Variants in NF1 observed in about 807,000 individuals in gnomAD.
NF1 encodes neurofibromin.
In NF1, 122 loss-of-function variants were observed where a neutral mutation model predicts 325.7. The observed-to-expected ratio is 0.37, with a 90% confidence interval of 0.32 to 0.44. The LOEUF is 0.44. Among genes scored for constraint, NF1 ranks in the 20% least tolerant of loss-of-function variants. The pLI, the probability that NF1 is intolerant of heterozygous loss-of-function variation, is 1.00. For missense variants in NF1, 2,140 were observed against 3,415.4 expected, an observed-to-expected ratio of 0.63 and a Z score of 9.31; for synonymous variants, 1,091 against 1,186.0, an observed-to-expected ratio of 0.92 and a Z score of 1.65.
In NF1 at chr17:31,338,028, T is replaced by C. The variant is rs2151558039; in HGVS notation, c.6708T>C (p.Phe2236=). The C allele has an allele frequency of 2.5e-6, 4 of 1,612,694 alleles. No homozygotes were observed. The highest frequency in any genetic ancestry group is 3.4e-6 in the Non-Finnish European group (4 of 1,178,690). ...TCTGTGGATCTTTTAATTGCAGATT[T>C]GCATTCCAATATAATCCATCCCTGC... ...LDQWTELAQR[F]AFQYNPSLQP... The change falls in exon 45 of 58, where the codon TTT becomes TTC. Residue 2236 remains phenylalanine (F), a synonymous_variant. Transcript: ENST00000358273.
At position 31,352,433 on chromosome 17, in the gene NF1, T is replaced by C. The variant is rs773687866; in HGVS notation, c.7615+19T>C. On this transcript the variant is annotated intron_variant, in intron 51 of 57. Transcript: ENST00000358273. ...TTGCTTGGTTAGTTTATCTAAATTATGTAGATTTTTTTTATTATTTAAAAA... is the reference window on the plus strand; with the variant it reads ...TTGCTTGGTTAGTTTATCTAAATTACGTAGATTTTTTTTATTATTTAAAAA... The C allele has an allele frequency of 1.9e-6, 3 of 1,548,792 alleles. No individual in the cohort carries two copies. Among genetic ancestry groups the C allele is most frequent in the East Asian group, 4.7e-5 (2 of 42,280 alleles).
intron 8 of NF1, among the ~76,000 whole-genome samples, chr17:31,199,208 G>T (rs2066484727): frequency 6.6e-6 from 1 of 152,068 alleles, no homozygotes; most frequent in African/African-American, 2.4e-5. Flanking sequence ...TTTGATGTCA[G>T]TGTTTACAGG....
At chr17:31,371,678 A>G (rs532612895) in intron 57 of NF1, among the ~76,000 whole-genome samples, 2 of 152,352 alleles carry the variant, frequency 1.3e-5, no homozygotes, top group East Asian at 3.9e-4. Context: ...TAAAAAATTT[A>G]ATAAGGGTTT....
intron 39 of NF1, among the ~76,000 whole-genome samples, chr17:31,333,311 A>G (rs181220545): frequency 1.3e-5 from 2 of 152,354 alleles, no homozygotes; most frequent in East Asian, 3.9e-4. Flanking sequence ...TAATGTTAAA[A>G]TGTTTATTAT....
In NF1 at chr17:31,306,236, T is replaced by C. The variant is rs181649017; in HGVS notation, c.4836-19584T>C. Among the ~76,000 whole-genome samples the C allele has an allele frequency of 2.2e-3, 333 of 152,284 alleles. 1 individual carries two copies. Among genetic ancestry groups the C allele is most frequent in the African/African-American group, 7.5e-3 (312 of 41,558 alleles). On this transcript the variant is annotated intron_variant, in intron 36 of 57. Coordinates refer to ENST00000358273, the MANE Select transcript of NF1 (RefSeq NM_001042492.3). ...GCCTCCTAAATATGGTTAATTGATA[T>C]TCTGTCCTCACCCTTACCTACTTTT...
intron 1 of NF1, among the ~76,000 whole-genome samples, chr17:31,152,439 G>A (rs1917011240): frequency 6.7e-6 from 1 of 148,942 alleles, no homozygotes; most frequent in Non-Finnish European, 1.5e-5. Flanking sequence ...CCTGTTATAT[G>A]TATGTTGAAT....
chr17:31,373,863 T>C (rs951246626), intron 57 of NF1, 150 bp from the exon 58 acceptor site: 2 of 967,298 alleles, frequency 2.1e-6, no homozygotes, highest in Admixed American at 2.0e-5. Flanking sequence ...TCTAAGTTCA[T>C]GTAAGTACAC....
At chr17:31,318,958 G>T (rs1457831479) in intron 36 of NF1, 1 of 1,613,402 alleles carries the variant, frequency 6.2e-7, no homozygotes, top group Non-Finnish European at 8.5e-7. Flanking sequence ...AAAAACTGTT[G>T]TCATCAGAAA....
chr17:31,200,423 A>G lies in NF1; in HGVS notation c.890A>G (p.Lys297Arg), dbSNP rs1219929525. ...DVVDENNMNKKLFLDSLRKAL... is the reference protein window; with the variant it reads ...DVVDENNMNKRLFLDSLRKAL... ...TATCGCTATATTTGAATTCTGTAGA[A>G]GTTATTTCTGGACAGTCTACGAAAA... The change falls in exon 9 of 58, where the codon AAG becomes AGG. Residue 297 changes from lysine to arginine, a missense_variant and splice_region_variant. This residue lies in a region of NF1 where 179 missense variants were observed against 381.0 expected (regional missense o/e 0.47). Transcript: ENST00000358273. 1 of 1,613,900 alleles carries G rather than the reference A, an allele frequency of 6.2e-7. No individual in the cohort carries two copies. Among genetic ancestry groups the G allele is most frequent in the Non-Finnish European group, 8.5e-7 (1 of 1,179,968 alleles).
intron 8 of NF1, among the ~76,000 whole-genome samples, chr17:31,195,220 T>G (rs1037147670): frequency 9.2e-5 from 14 of 152,166 alleles, no homozygotes; most frequent in African/African-American, 3.4e-4. Flanking sequence ...CTCTTGACCT[T>G]CAGTTTATAC....
rs786203038 is a variant in NF1 at position 31,156,044 on chromosome 17, A to C, written c.122A>C (p.Glu41Ala). ...AAAGTCAGTACTGAGCACAACAAGG[A>C]ATGTCTAATCAATATTTCCAAATAC... ...HTKVSTEHNK[E>A]CLINISKYKF... is the part of the protein sequence containing the mutation. The change falls in exon 2 of 58, where the codon GAA (glutamate) becomes GCA (alanine). Residue 41 changes from glutamate to alanine, a missense_variant. By Grantham distance (107) the Glu-to-Ala change is moderately radical. Coordinates refer to ENST00000358273, the MANE Select transcript of NF1 (RefSeq NM_001042492.3). 2 of 1,613,674 alleles carry C rather than the reference A, an allele frequency of 1.2e-6. No individual in the cohort carries two copies. Among genetic ancestry groups the C allele is most frequent in the Non-Finnish European group, 1.7e-6 (2 of 1,179,796 alleles).
chr17:31,225,373 C>T, intron 17 of NF1, 123 bp downstream of exon 17: 1 of 1,066,698 alleles, frequency 9.4e-7, no homozygotes. Flanking sequence ...GAATCTAGTT[C>T]TATTACTGCT....
At position 31,376,617 on chromosome 17, in the gene NF1, T is replaced by C. The variant is rs746580246; in HGVS notation, c.*2462T>C. 2.6e-5 allele frequency: 6 copies of C among 233,012 alleles called. No individual in the cohort carries two copies. Among genetic ancestry groups the C allele is most frequent in the Non-Finnish European group, 3.4e-5 (4 of 117,930 alleles). The allele number at this position is 233,012 out of a possible 1,614,324, so 14.4% of individuals were successfully genotyped here. On this transcript the variant is annotated 3_prime_UTR_variant, in exon 58 of 58. Transcript: ENST00000358273. ...TCCCTTGAGAAATGCAACACTTTTT[T>C]AGTCTTCATACTTGTAATCTATAAA...
chr17:31,099,589 C>T (rs1467927939), intron 1 of NF1, among the ~76,000 whole-genome samples: 7 of 135,950 alleles, frequency 5.1e-5, no homozygotes, highest in African/African-American at 1.4e-4. Flanking sequence ...GACAGAGTTT[C>T]GCTCTTGTCT....
intron 31 of NF1, 83 bp downstream of exon 31, chr17:31,253,083 T>G (rs2067522840): frequency 9.2e-7 from 1 of 1,082,464 alleles, no homozygotes; most frequent in Non-Finnish European, 1.4e-6. Context: ...TATCTTCACT[T>G]CAGCCTATTT....
At chr17:31,106,027 A>G (rs1267516751) in intron 1 of NF1, among the ~76,000 whole-genome samples, 1 of 152,190 alleles carries the variant, frequency 6.6e-6, no homozygotes, top group African/African-American at 2.4e-5. Flanking sequence ...TCTCTTAATG[A>G]TCTCAAGTGG....
chr17:31,197,935 G>C (rs1277060709), intron 8 of NF1, among the ~76,000 whole-genome samples: 5 of 152,056 alleles, frequency 3.3e-5, no homozygotes, highest in Non-Finnish European at 7.4e-5. Flanking sequence ...TTAGCTATTG[G>C]TTTTTAATAC....
chr17:31,319,141 A>AT, intron 36 of NF1: 1 of 1,042,068 alleles, frequency 9.6e-7, no homozygotes, highest in Non-Finnish European at 1.4e-6. Context: ...CTTATGCCTA[A>AT]TATTCGCTAC....
intron 1 of NF1, among the ~76,000 whole-genome samples, chr17:31,123,419 A>G (rs1036370513): frequency 1.3e-5 from 2 of 152,130 alleles, no homozygotes. Context: ...TCTTTATACA[A>G]CTAGGAAAAG....
Sources: allele counts gnomAD v4.1 joint callset (sites outside exome capture counted in the v4.1 genomes callset), GRCh38; gene constraint gnomAD v4.1.1; regional missense constraint gnomAD v4.1.1; transcripts MANE v1.5; gene names NCBI Gene and HGNC (gene_info 2026-07-23, HGNC 2026-07-21).